The following GMDS variants were observed in gnomAD, a reference collection of about 807,000 sequenced individuals.
The protein encoded by GMDS is GDP-mannose 4,6 dehydratase.
Under a neutral mutation model 49.9 loss-of-function variants are expected in GMDS, and 20 were observed. That is an observed-to-expected ratio of 0.40 (90% CI 0.28 to 0.58). GMDS has a LOEUF of 0.58. GMDS is among the 20% of genes least tolerant of loss of function. The probability of loss-of-function intolerance (pLI) is 0.42; values close to 1 mark genes in which losing one functional copy is unlikely to be tolerated. For synonymous variants in GMDS, 177 were observed against 178.6 expected, an observed-to-expected ratio of 0.99 and a Z score of 0.07; for missense variants, 362 against 481.4, an observed-to-expected ratio of 0.75 and a Z score of 2.32.
At chr6:1,813,496 A>T (rs1385490037) in intron 7 of GMDS, among the ~76,000 whole-genome samples, 3 of 152,190 alleles carry the variant, frequency 2.0e-5, no homozygotes, top group African/African-American at 7.2e-5. Context: ...TTCTTTTATC[A>T]TTTGAAAACT....
chr6:1,916,336 G>A (rs56917711), intron 7 of GMDS, among the ~76,000 whole-genome samples: 6,390 of 152,120 alleles, frequency 0.042, 407 homozygotes, highest in African/African-American at 0.14. Context: ...CTTCACGTGC[G>A]GGGGTGGGGG....
intron 4 of GMDS, among the ~76,000 whole-genome samples, chr6:1,990,087 G>A (rs1238082983): frequency 6.6e-6 from 1 of 152,196 alleles, no homozygotes; most frequent in Non-Finnish European, 1.5e-5. Flanking sequence ...ATGAGGTCAG[G>A]AGATCGAGAC....
chr6:1,672,635 G>A (rs1764465932), intron 9 of GMDS, among the ~76,000 whole-genome samples: 1 of 152,194 alleles, frequency 6.6e-6, no homozygotes, highest in Non-Finnish European at 1.5e-5. Flanking sequence ...ACTGCAGAGG[G>A]TTCACCCGGG....
chr6:2,162,855 T>G (rs1055035698), intron 1 of GMDS, among the ~76,000 whole-genome samples: 3 of 152,110 alleles, frequency 2.0e-5, no homozygotes, highest in Non-Finnish European at 4.4e-5. Flanking sequence ...GAAACCGAGT[T>G]CCCTCCTGCT....
At chr6:2,077,120 T>A (rs567626420) in intron 4 of GMDS, among the ~76,000 whole-genome samples, 2 of 152,174 alleles carry the variant, frequency 1.3e-5, no homozygotes, top group Non-Finnish European at 2.9e-5. Flanking sequence ...GGAACACTAC[T>A]GATTTTTACA....
intron 7 of GMDS, among the ~76,000 whole-genome samples, chr6:1,862,561 C>G (rs1372621621): frequency 6.6e-6 from 1 of 152,164 alleles, no homozygotes; most frequent in Admixed American, 6.6e-5. Context: ...TATAACTGTT[C>G]ATAAAAGGAT....
intron 7 of GMDS, among the ~76,000 whole-genome samples, chr6:1,806,222 C>T (rs2113669370): frequency 6.6e-6 from 1 of 152,270 alleles, no homozygotes; most frequent in East Asian, 1.9e-4. Flanking sequence ...AGGAGTTAGT[C>T]ATTCAAAAAT....
At position 2,000,004 on chromosome 6, in the gene GMDS, ATATATTTTT is replaced by A. The variant is rs1561962011; in HGVS notation, c.346-39047_346-39039del. ...TATTTTATATATATATATTATATAT[ATATATTTTT>A]TATATATATATATATCTATATCTTT... On this transcript the variant is annotated intron_variant, in intron 4 of 10. Transcript: ENST00000380815. Among the ~76,000 whole-genome samples the A allele has an allele frequency of 6.4e-3, 123 of 19,216 alleles. 16 individuals carry two copies. Among genetic ancestry groups the A allele is most frequent in the African/African-American group, 0.019 (116 of 6,266 alleles). 12.6% of individuals were successfully genotyped at this position (19,216 alleles called of 152,430 possible).
At chr6:2,230,939 C>CCA (rs1310567340) in intron 1 of GMDS, among the ~76,000 whole-genome samples, 5 of 52,250 alleles carry the variant, frequency 9.6e-5, no homozygotes, top group Non-Finnish European at 1.5e-4. Context: ...TTCCCCCCTC[C>CCA]CACCCCCCCC....
At chr6:1,768,902 T>C (rs541654749) in intron 7 of GMDS, among the ~76,000 whole-genome samples, 3 of 152,376 alleles carry the variant, frequency 2.0e-5, no homozygotes, top group African/African-American at 7.2e-5. Context: ...TATGCTTATA[T>C]TTCTCATTTT....
intron 1 of GMDS, among the ~76,000 whole-genome samples, chr6:2,219,132 G>A (rs1050265217): frequency 4.6e-5 from 7 of 152,124 alleles, no homozygotes; most frequent in East Asian, 1.9e-4. Context: ...GCAACAGGTC[G>A]GTCCTCTGAG....
intron 1 of GMDS, among the ~76,000 whole-genome samples, chr6:2,225,291 C>T (rs1780766434): frequency 6.6e-6 from 1 of 152,124 alleles, no homozygotes; most frequent in Admixed American, 6.5e-5. Context: ...GACTGCACCA[C>T]CGCACTCCAT....
intron 7 of GMDS, among the ~76,000 whole-genome samples, chr6:1,897,606 G>T (rs968714602): frequency 6.6e-6 from 1 of 152,150 alleles, no homozygotes; most frequent in Non-Finnish European, 1.5e-5. Context: ...AATAAAGACT[G>T]AAAATGAGTG....
At chr6:1,781,751 T>C (rs889844102) in intron 7 of GMDS, among the ~76,000 whole-genome samples, 2 of 152,222 alleles carry the variant, frequency 1.3e-5, no homozygotes, top group South Asian at 4.1e-4. Context: ...TACTGAAAGA[T>C]GAGTCACCAT....
At chr6:2,023,762 A>G (rs1241659775) in intron 4 of GMDS, among the ~76,000 whole-genome samples, 1 of 152,110 alleles carries the variant, frequency 6.6e-6, no homozygotes, top group Non-Finnish European at 1.5e-5. Flanking sequence ...TCTAAAAGAC[A>G]GAGATGAGAA....
chr6:1,684,517 G>C (rs1246709013), intron 9 of GMDS, among the ~76,000 whole-genome samples: 1 of 152,150 alleles, frequency 6.6e-6, no homozygotes, highest in Non-Finnish European at 1.5e-5. Flanking sequence ...TGAATGAAAA[G>C]GAACGAACAG....
At chr6:2,225,287 A>T (rs1189030106) in intron 1 of GMDS, among the ~76,000 whole-genome samples, 1 of 152,166 alleles carries the variant, frequency 6.6e-6, no homozygotes, top group East Asian at 1.9e-4. Context: ...CCAAGACTGC[A>T]CCACCGCACT....
intron 1 of GMDS, among the ~76,000 whole-genome samples, chr6:2,131,716 T>C (rs1012619976): frequency 2.0e-5 from 3 of 152,078 alleles, no homozygotes; most frequent in Non-Finnish European, 4.4e-5. Context: ...GTACATAATA[T>C]ATAGATACAG....
chr6:2,054,026 T>G (rs1318252145), intron 4 of GMDS, among the ~76,000 whole-genome samples: 4 of 152,002 alleles, frequency 2.6e-5, no homozygotes, highest in African/African-American at 9.7e-5. Context: ...TCACTGAAAA[T>G]TCAGAATAAA....
Sources: allele counts gnomAD v4.1 joint callset (sites outside exome capture counted in the v4.1 genomes callset), GRCh38; gene constraint gnomAD v4.1.1; transcripts MANE v1.5; gene names NCBI Gene and HGNC (gene_info 2026-07-23, HGNC 2026-07-21).